The following GYS2 variants were observed in gnomAD, a reference collection of about 807,000 sequenced individuals.
GYS2 encodes glycogen [starch] synthase, liver.
In GYS2, 80 loss-of-function variants were observed where a neutral mutation model predicts 85.6. That is an observed-to-expected ratio of 0.93 (90% CI 0.78 to 1.13). The LOEUF is 1.13. Among genes scored for constraint, GYS2 ranks in the 50% most tolerant of loss-of-function variants. GYS2 has a pLI of 0.00. For synonymous variants in GYS2, 328 were observed against 300.7 expected, an observed-to-expected ratio of 1.09 and a Z score of -0.94; for missense variants, 881 against 854.9, an observed-to-expected ratio of 1.03 and a Z score of -0.38.
rs1228445624 is a variant in GYS2, at chr12:21,604,816, T to C, written c.-224A>G. ...TCTTTCTCGTCTTTCTGGGCAGGTATTGTGAGGACGGTATCTGCCCTGTCA... is the reference window on the plus strand; with the variant it reads ...TCTTTCTCGTCTTTCTGGGCAGGTACTGTGAGGACGGTATCTGCCCTGTCA... On this transcript the variant is annotated 5_prime_UTR_variant, in exon 1 of 16. Transcript: ENST00000261195. 1.2e-5 allele frequency: 16 copies of C among 1,311,062 alleles called. No homozygotes were observed. The East Asian group carries it at 4.2e-4, about 35-fold the overall frequency. The allele number at this position is 1,311,062 out of a possible 1,614,324, so 81.2% of individuals were successfully genotyped here. A position where few individuals can be genotyped will look rare whatever the true frequency, so the allele number is the denominator to read the frequency against.
intron 15 of GYS2, among the ~76,000 whole-genome samples, chr12:21,538,818 C>T (rs1375727156): frequency 6.6e-6 from 1 of 152,106 alleles, no homozygotes; most frequent in Admixed American, 6.5e-5. Flanking sequence ...AAGAAGACAC[C>T]CTGGTGGGCA....
intron 4 of GYS2, among the ~76,000 whole-genome samples, chr12:21,569,383 C>A (rs1244172848): frequency 6.6e-6 from 1 of 152,030 alleles, no homozygotes; most frequent in East Asian, 1.9e-4. Context: ...TTCCCATAAA[C>A]AATGAAACAA....
In GYS2 at chr12:21,568,934, C is replaced by T. The variant is rs1944354643; in HGVS notation, c.754G>A (p.Ala252Thr). Reference sequence around the variant, plus strand: ...TCAGAAACCGTGGTGAACACGTGAGCGCAATGAACGGAAGCTCGCTCCATG... The same window carrying T: ...TCAGAAACCGTGGTGAACACGTGAGTGCAATGAACGGAAGCTCGCTCCATG... ...YCMERASVHC[A>T]HVFTTVSEIT... The change falls in exon 5 of 16, where the codon GCT becomes ACT. Residue 252 changes from alanine to threonine, a missense_variant. Transcript: ENST00000261195. 1.9e-6 allele frequency: 3 copies of T among 1,612,396 alleles called. No individual in the cohort carries two copies. The highest frequency in any genetic ancestry group is 1.3e-5 in the African/African-American group (1 of 74,878).
At chr12:21,568,055 G>A (rs768108821) in intron 5 of GYS2, among the ~76,000 whole-genome samples, 1 of 151,480 alleles carries the variant, frequency 6.6e-6, no homozygotes, top group Admixed American at 6.6e-5. Context: ...CTGGGCAATG[G>A]AGCAAGACTC....
At position 21,536,562 on chromosome 12, in the gene GYS2, G is replaced by A. The variant is rs116576673; in HGVS notation, c.*392C>T. On this transcript the variant is annotated 3_prime_UTR_variant, in exon 16 of 16. Transcript: ENST00000261195. The stretch of plus-strand genomic sequence containing the variant: ...ATTCATGGGTAAGATCAAGGTTTTC[G>A]GGGGGGAAATGGGAAATTTGTGTGG... 910 of 228,298 alleles carry A rather than the reference G, an allele frequency of 4.0e-3. 10 individuals are homozygous for A. The highest frequency in any genetic ancestry group is 0.02 in the African/African-American group (857 of 42,914). The allele number at this position is 228,298 out of a possible 1,614,324, so 14.1% of individuals were successfully genotyped here.
In GYS2 at chr12:21,559,077, T is replaced by G. The variant is rs767265262; in HGVS notation, c.1308+14A>C. The G allele has an allele frequency of 6.6e-7, 1 of 1,508,748 alleles. No individual in the cohort carries two copies. The highest frequency in any genetic ancestry group is 9.2e-7 in the Non-Finnish European group (1 of 1,085,796). The allele number at this position is 1,508,748 out of a possible 1,614,324, so 93.5% of individuals were successfully genotyped here. A position where few individuals can be genotyped will look rare whatever the true frequency, so the allele number is the denominator to read the frequency against. On this transcript the variant is annotated intron_variant, in intron 10 of 15. Transcript: ENST00000261195. Reference sequence around the variant, plus strand: ...ATAACTATGGGACATAGTGGGTGCTTTTTTCCTTATTACCTGAGTTGAAAA... The same window carrying G: ...ATAACTATGGGACATAGTGGGTGCTGTTTTCCTTATTACCTGAGTTGAAAA...
At position 21,575,939 on chromosome 12, in the gene GYS2, C is replaced by A; in HGVS notation, c.422G>T (p.Gly141Val). 1 of 1,613,776 alleles carries A rather than the reference C, an allele frequency of 6.2e-7. No homozygotes were observed. Among genetic ancestry groups the A allele is most frequent in the South Asian group, 1.1e-5 (1 of 91,074 alleles). The change falls in exon 3 of 16, where the codon GGC becomes GTC. Residue 141 changes from glycine to valine, a missense_variant. Transcript: ENST00000261195. Reference protein sequence around the residue: ...KGDLWEACSVGIPYHDREAND... With the variant: ...KGDLWEACSVVIPYHDREAND... The stretch of plus-strand genomic sequence containing the variant: ...GGCTTCTCGGTCATGATAAGGAATG[C>A]CGACACTGCATGCTTCCCAGAGGTC...
At chr12:21,552,123 C>T (rs977252281) in intron 11 of GYS2, among the ~76,000 whole-genome samples, 1 of 152,142 alleles carries the variant, frequency 6.6e-6, no homozygotes, top group Non-Finnish European at 1.5e-5. Context: ...GTACAAAAAT[C>T]GCCCAGGAAA....
In GYS2 at chr12:21,590,283, T is replaced by G. The variant is rs557417248; in HGVS notation, c.122-9760A>C. ...GCCGGTGTCCACACACACCACTGAG[T>G]GGCCTGAGGTCAGGAACACCCAGCC... is the stretch of plus-strand genomic sequence containing the variant. On this transcript the variant is annotated intron_variant, in intron 1 of 15. Transcript: ENST00000261195. Among the ~76,000 whole-genome samples, 3 of 152,264 alleles carry G rather than the reference T, an allele frequency of 2.0e-5. No homozygotes were observed. In the East Asian group the frequency reaches 5.8e-4, roughly 30 times the overall value.
chr12:21,563,535 T>A (rs1190609590), intron 5 of GYS2, among the ~76,000 whole-genome samples, 190 bp from the exon 6 acceptor site: 1 of 152,212 alleles, frequency 6.6e-6, no homozygotes. Context: ...AAATTTGGTC[T>A]ACTGATTGAA....
In GYS2 at chr12:21,561,369, G is replaced by A. The variant is rs543526129; in HGVS notation, c.1063-877C>T. On this transcript the variant is annotated intron_variant, in intron 7 of 15. Transcript: ENST00000261195. The stretch of plus-strand genomic sequence containing the variant: ...AGGTTTATGTGTTCTGGAAATGACT[G>A]ACTAGCTCCAGAGTGTGGGGCACTT... Among the ~76,000 whole-genome samples, 7 of 152,304 alleles carry A rather than the reference G, an allele frequency of 4.6e-5. No individual in the cohort carries two copies. In the South Asian group the frequency reaches 1.2e-3, roughly 27 times the overall value.
At chr12:21,556,843 A>C (rs933762600) in intron 11 of GYS2, among the ~76,000 whole-genome samples, 9 of 152,248 alleles carry the variant, frequency 5.9e-5, no homozygotes, top group African/African-American at 1.9e-4. Flanking sequence ...GTTTTGTAAA[A>C]ACATCAAAGG....
chr12:21,596,889 T>C (rs1944702600), intron 1 of GYS2, among the ~76,000 whole-genome samples: 1 of 152,050 alleles, frequency 6.6e-6, no homozygotes, highest in Non-Finnish European at 1.5e-5. Flanking sequence ...ACTGATAAAA[T>C]AATTCAGCAA....
At chr12:21,543,260 GA>G (rs1008800358) in intron 12 of GYS2, among the ~76,000 whole-genome samples, 1 of 152,034 alleles carries the variant, frequency 6.6e-6, no homozygotes, top group African/African-American at 2.4e-5. Context: ...GGAGTTGGAT[GA>G]AAAAAAGATC....
At chr12:21,533,510 T>G (rs1943883889), downstream of GYS2, among the ~76,000 whole-genome samples, 1 of 152,228 alleles carries the variant, frequency 6.6e-6, no homozygotes, top group African/African-American at 2.4e-5. Flanking sequence ...AGCTCATTTT[T>G]AATTTGATTT....
Position 21,570,599 on chromosome 12 carries a change from A to G in GYS2, c.679-1590T>C, listed in dbSNP as rs575437934. On this transcript the variant is annotated intron_variant, in intron 4 of 15. Coordinates refer to ENST00000261195, the MANE Select transcript of GYS2 (RefSeq NM_021957.4). ...CAGGATATGAAAGTTTAATTCTGGGAAAGTTATTTTTAGCTGAAATGCTAG... is the reference window on the plus strand; with the variant it reads ...CAGGATATGAAAGTTTAATTCTGGGGAAGTTATTTTTAGCTGAAATGCTAG... Among the ~76,000 whole-genome samples the G allele has an allele frequency of 8.1e-4, 123 of 152,380 alleles. 1 individual carries two copies. The highest frequency in any genetic ancestry group is 2.9e-3 in the African/African-American group (121 of 41,590).
chr12:21,586,072 G>C (rs1270623187), intron 1 of GYS2, among the ~76,000 whole-genome samples: 1 of 152,188 alleles, frequency 6.6e-6, no homozygotes, highest in Non-Finnish European at 1.5e-5. Context: ...GATCCTGAGT[G>C]TGTCTGTGAG....
chr12:21,587,616 TGA>T (rs972216312), intron 1 of GYS2, among the ~76,000 whole-genome samples: 3 of 152,142 alleles, frequency 2.0e-5, no homozygotes, highest in African/African-American at 7.2e-5. Flanking sequence ...TGTGGAACTG[TGA>T]GACAATTAAA....
chr12:21,569,924 G>A (rs543559831), intron 4 of GYS2, among the ~76,000 whole-genome samples: 1 of 152,186 alleles, frequency 6.6e-6, no homozygotes, highest in African/African-American at 2.4e-5. Flanking sequence ...ACTTGTCGAA[G>A]GTCACATTGC....
Sources: gnomAD v4.1 joint callset for allele counts (sites outside exome capture counted in the v4.1 genomes callset) on GRCh38, gnomAD v4.1.1 for gene constraint, MANE v1.5 for transcripts, NCBI Gene and HGNC (gene_info 2026-07-23, HGNC 2026-07-21) for gene names.